Variants in RNF151 observed in about 807,000 individuals in gnomAD.
RNF151 encodes the protein ring finger protein 151.
In RNF151, 9 loss-of-function variants were observed where a neutral mutation model predicts 11.1. The ratio of observed to expected loss-of-function variants is 0.81; its 90% CI spans 0.49 to 1.42. The LOEUF (loss-of-function observed/expected upper bound fraction) is 1.42. Among genes scored for constraint, RNF151 ranks in the 40% most tolerant of loss-of-function variants. RNF151 has a pLI of 0.00. For missense variants in RNF151, 372 were observed against 342.9 expected, an observed-to-expected ratio of 1.08 and a Z score of -0.67; for synonymous variants, 172 against 140.7, an observed-to-expected ratio of 1.22 and a Z score of -1.58.
intron 2 of RNF151, 38 bp from the exon 3 acceptor site, chr16:1,967,687 C>T (rs1227300028): frequency 6.6e-7 from 1 of 1,521,264 alleles, no homozygotes; most frequent in Non-Finnish European, 9.0e-7. Flanking sequence ...GCTCCCTTCC[C>T]ACTCCCAACA....
At chr16:1,968,350 G>C in intron 3 of RNF151, 84 bp from the exon 4 acceptor site, 1 of 1,432,088 alleles carries the variant, frequency 7.0e-7, no homozygotes. Flanking sequence ...CCGGTTCCCT[G>C]GTTCCTGGCG....
intron 2 of RNF151, 125 bp from the exon 3 acceptor site, chr16:1,967,600 C>T (rs909472532): frequency 5.5e-5 from 51 of 934,060 alleles, no homozygotes; most frequent in South Asian, 3.1e-4. Flanking sequence ...GAGCTGAGAG[C>T]GCCCTGTAAT....
In RNF151 at chr16:1,967,366, G is replaced by T. The variant is rs1384349551; in HGVS notation, c.96G>T (p.Arg32Ser). The T allele has an allele frequency of 6.2e-7, 1 of 1,613,738 alleles. No individual in the cohort carries two copies. The highest frequency in any genetic ancestry group is 2.2e-5 in the East Asian group (1 of 44,884). The change falls in exon 2 of 4, where the codon AGG becomes AGT. Residue 32 changes from arginine (R) to serine (S), a missense_variant. Coordinates refer to ENST00000569714, the MANE Select transcript of RNF151 (RefSeq NM_174903.6). ...VCHGVLKRPA[R>S]LPCSHIFCKK... is the part of the protein sequence containing the mutation. ...ATGGGGTTCTCAAGAGGCCAGCAAG[G>T]TTGCCATGCAGCCACATCTTCTGCA...
chr16:1,968,839 C>G lies in RNF151; in HGVS notation c.652C>G (p.Pro218Ala), dbSNP rs781468340. Residue 218 changes from proline (P) to alanine (A), a missense_variant, in exon 4 of 4, where the codon CCA becomes GCA. Coordinates refer to ENST00000569714, the MANE Select transcript of RNF151 (RefSeq NM_174903.6). ...EEDTALLEGA[P>A]QEEAEAAPEG... ...AGACACCGCTCTGCTGGAGGGTGCC[C>G]CACAGGAGGAGGCCGAGGCTGCCCC... 6.3e-7 allele frequency: 1 copy of G among 1,595,456 alleles called. No individual in the cohort carries two copies. The highest frequency in any genetic ancestry group is 8.5e-7 in the Non-Finnish European group (1 of 1,171,810).
chr16:1,967,550 C>T (rs2083322397), intron 2 of RNF151, 131 bp downstream of exon 2: 4 of 981,652 alleles, frequency 4.1e-6, no homozygotes, highest in Non-Finnish European at 6.1e-6. Flanking sequence ...ATGTGTGTAC[C>T]CTCACTCAGT....
At chr16:1,968,078 G>A (rs759467161) in intron 3 of RNF151, 2 of 691,638 alleles carry the variant, frequency 2.9e-6, no homozygotes, top group Non-Finnish European at 5.3e-6. Flanking sequence ...GGAGATTACA[G>A]AGGATTTTTA....
rs1417919904 is a variant in RNF151, at chr16:1,968,535, G to A, written c.348G>A (p.Glu116=). 1 of 1,609,562 alleles carries A rather than the reference G, an allele frequency of 6.2e-7. No individual in the cohort carries two copies. The highest frequency in any genetic ancestry group is 1.1e-5 in the South Asian group (1 of 90,444). Residue 116 remains glutamate, a synonymous_variant, in exon 4 of 4, where the codon GAG becomes GAA. Transcript: ENST00000569714. ...CPFELTACPN[E]GCTSQVPRGT... The stretch of plus-strand genomic sequence containing the variant: ...TTGAGCTAACGGCCTGCCCCAACGA[G>A]GGCTGCACCTCGCAGGTGCCGCGTG...
At position 1,968,612 on chromosome 16, in the gene RNF151, GC is replaced by G. The variant is rs1394684937; in HGVS notation, c.430del (p.Leu144TrpfsTer104). ...QHCQQGSQQR[C>X]PLGCGATLDP... is the part of the protein sequence containing the mutation. ...TGCCAGCAAGGGTCCCAGCAGCGCT[GC>G]CCCCTGGGCTGCGGGGCCACCCTGG... On this transcript the variant is annotated frameshift_variant, in exon 4 of 4. Coordinates refer to ENST00000569714, the MANE Select transcript of RNF151 (RefSeq NM_174903.6). LOFTEE classifies it low-confidence loss of function (END_TRUNC). 6.3e-7 allele frequency: 1 copy of G among 1,576,058 alleles called. No homozygotes were observed. Among genetic ancestry groups the G allele is most frequent in the Admixed American group, 1.8e-5 (1 of 55,118 alleles).
chr16:1,967,877 G>GAGAA, intron 3 of RNF151, 56 bp downstream of exon 3: 1 of 1,288,406 alleles, frequency 7.8e-7, no homozygotes, highest in Non-Finnish European at 1.1e-6. Flanking sequence ...TTGTAGGGGT[G>GAGAA]GGGCAGGGCT....
Sources: gnomAD v4.1 joint callset for allele counts on GRCh38, gnomAD v4.1.1 for gene constraint, MANE v1.5 for transcripts, NCBI Gene and HGNC (gene_info 2026-07-23, HGNC 2026-07-21) for gene names.